Variants in MALRD1 observed in about 807,000 individuals in gnomAD.
The protein encoded by MALRD1 is MAM and LDL receptor class A domain containing 1, also known as MAM and LDL-receptor class A domain-containing protein 1.
In MALRD1, 247 loss-of-function variants were observed where a neutral mutation model predicts 242.1. That is an observed-to-expected ratio of 1.02 (90% CI 0.92 to 1.13). The LOEUF (loss-of-function observed/expected upper bound fraction) is 1.13, where lower values mean the gene tolerates loss of function less well. MALRD1 is among the 50% of genes most tolerant of loss of function. The probability of loss-of-function intolerance (pLI) is 0.00; values close to 1 mark genes in which losing one functional copy is unlikely to be tolerated. For synonymous variants in MALRD1, 995 were observed against 866.6 expected, an observed-to-expected ratio of 1.15 and a Z score of -2.60; for missense variants, 2,989 against 2,533.1, an observed-to-expected ratio of 1.18 and a Z score of -3.86.
chr10:19,573,954 C>G (rs1836679997), intron 33 of MALRD1, among the ~76,000 whole-genome samples: 1 of 152,076 alleles, frequency 6.6e-6, no homozygotes, highest in African/African-American at 2.4e-5. Context: ...GAAAATAGAC[C>G]TTCGGAGAGT....
rs1204796305 is a variant in MALRD1 at position 19,284,363 on chromosome 10, C to T, written c.3419+1182C>T. On this transcript the variant is annotated intron_variant, in intron 21 of 39. Coordinates refer to ENST00000454679, the MANE Select transcript of MALRD1 (RefSeq NM_001142308.3). ...TGCGCTGCACCCACTAACTCGTCAT[C>T]TAGCATTAGGTATATCTCCCAATGC... 6.6e-5 allele frequency among the ~76,000 whole-genome samples: 10 copies of T among 150,510 alleles called. No individual in the cohort carries two copies. In the East Asian group the frequency reaches 8.0e-4, roughly 12 times the overall value.
intron 26 of MALRD1, among the ~76,000 whole-genome samples, chr10:19,365,111 A>C (rs1309574148): frequency 1.3e-5 from 2 of 152,160 alleles, no homozygotes; most frequent in Non-Finnish European, 2.9e-5. Flanking sequence ...AAAAATGAAA[A>C]CACATACATG....
At position 19,438,418 on chromosome 10, in the gene MALRD1, C is replaced by T. The variant is rs1589072604; in HGVS notation, c.4846-11889C>T. On this transcript the variant is annotated intron_variant, in intron 28 of 39. Coordinates refer to ENST00000454679, the MANE Select transcript of MALRD1 (RefSeq NM_001142308.3). Reference sequence around the variant, plus strand: ...ACATATCCATTCATTCATGGATACACATGTAGATTGCTTCCATATTTTGCT... The same window carrying T: ...ACATATCCATTCATTCATGGATACATATGTAGATTGCTTCCATATTTTGCT... 3.3e-5 allele frequency among the ~76,000 whole-genome samples: 5 copies of T among 152,278 alleles called. No individual in the cohort carries two copies. In the South Asian group the frequency reaches 1.0e-3, roughly 32 times the overall value.
intron 36 of MALRD1, among the ~76,000 whole-genome samples, chr10:19,649,084 G>A (rs529406164): frequency 6.6e-6 from 1 of 152,280 alleles, no homozygotes; most frequent in Admixed American, 6.5e-5. Context: ...TCTTTTTATG[G>A]CTGCATAATA....
intron 36 of MALRD1, among the ~76,000 whole-genome samples, chr10:19,651,316 T>A (rs1056828051): frequency 6.6e-6 from 1 of 152,180 alleles, no homozygotes; most frequent in African/African-American, 2.4e-5. Flanking sequence ...CTTATCTAAC[T>A]TCAGAAAAGT....
chr10:19,593,111 CATATAAAAGTATAAAGATTT>C (rs1837904325), intron 33 of MALRD1, among the ~76,000 whole-genome samples: 1 of 151,948 alleles, frequency 6.6e-6, no homozygotes, highest in Non-Finnish European at 1.5e-5. Flanking sequence ...AGAAGAGCTA[CATATAAAAGTATAAAGATTT>C]AAATCCAATT....
intron 32 of MALRD1, among the ~76,000 whole-genome samples, chr10:19,559,282 G>A (rs1471702911): frequency 2.6e-5 from 4 of 151,840 alleles, no homozygotes; most frequent in Admixed American, 2.0e-4. Context: ...CAATATTAAT[G>A]CTTTGGGTCT....
At chr10:19,703,713 G>A (rs1403717822) in intron 38 of MALRD1, among the ~76,000 whole-genome samples, 1 of 152,116 alleles carries the variant, frequency 6.6e-6, no homozygotes, top group African/African-American at 2.4e-5. Flanking sequence ...TGGCCAACAT[G>A]GCAAAACCCT....
intron 19 of MALRD1, among the ~76,000 whole-genome samples, chr10:19,276,437 TC>T (rs1375462628): frequency 6.6e-6 from 1 of 152,158 alleles, no homozygotes; most frequent in Non-Finnish European, 1.5e-5. Flanking sequence ...AGAAATTTGT[TC>T]CATATATTCC....
intron 36 of MALRD1, among the ~76,000 whole-genome samples, chr10:19,629,419 T>A (rs1839813822): frequency 6.6e-6 from 1 of 152,172 alleles, no homozygotes; most frequent in South Asian, 2.1e-4. Context: ...CAGTATCTAA[T>A]GCCAGAGGAC....
At chr10:19,669,488 A>C (rs1339982927) in intron 36 of MALRD1, among the ~76,000 whole-genome samples, 1 of 152,166 alleles carries the variant, frequency 6.6e-6, no homozygotes. Flanking sequence ...AGGTTGGAGC[A>C]AAGGGACAGG....
At chr10:19,675,375 C>A (rs951543094) in intron 36 of MALRD1, among the ~76,000 whole-genome samples, 4 of 152,098 alleles carry the variant, frequency 2.6e-5, no homozygotes, top group African/African-American at 9.7e-5. Context: ...ACTTACAAAG[C>A]CATTGCTCTC....
chr10:19,690,427 A>G (rs1842768749), intron 36 of MALRD1, among the ~76,000 whole-genome samples: 1 of 152,078 alleles, frequency 6.6e-6, no homozygotes, highest in Admixed American at 6.6e-5. Context: ...AGAAACATAC[A>G]TAATAAAACT....
intron 38 of MALRD1, among the ~76,000 whole-genome samples, chr10:19,703,304 G>C (rs1484640794): frequency 6.6e-6 from 1 of 152,110 alleles, no homozygotes; most frequent in Non-Finnish European, 1.5e-5. Context: ...TCTGCTTCCT[G>C]TCCCTGTAAC....
rs1310778575 is a variant in MALRD1, at chr10:19,347,986, C to G, written c.4117C>G (p.Pro1373Ala). The change falls in exon 25 of 40, where the codon CCA becomes GCA. Residue 1373 changes from proline to alanine, a missense_variant. Transcript: ENST00000454679. ...QPMRAARISS[P>A]VISKRSKNCK... The stretch of plus-strand genomic sequence containing the variant: ...CATGAGAGCTGCCAGAATTTCAAGT[C>G]CAGTTATAAGTAAGAGAAGCAAAAA... The G allele has an allele frequency of 6.5e-7, 1 of 1,550,212 alleles. No homozygotes were observed. The highest frequency in any genetic ancestry group is 8.7e-7 in the Non-Finnish European group (1 of 1,146,832).
chr10:19,657,979 C>G (rs1841244720), intron 36 of MALRD1, among the ~76,000 whole-genome samples: 1 of 151,972 alleles, frequency 6.6e-6, no homozygotes, highest in Non-Finnish European at 1.5e-5. Flanking sequence ...GAAACCCTGT[C>G]TCTACTAAAA....
intron 11 of MALRD1, among the ~76,000 whole-genome samples, chr10:19,147,381 A>G (rs1003845998): frequency 1.3e-5 from 2 of 152,230 alleles, no homozygotes; most frequent in African/African-American, 4.8e-5. Flanking sequence ...GGCTACAGCC[A>G]TAAATCTAGT....
At chr10:19,146,025 C>T (rs1000886053) in intron 10 of MALRD1, among the ~76,000 whole-genome samples, 173 bp from the exon 11 acceptor site, 4 of 152,046 alleles carry the variant, frequency 2.6e-5, no homozygotes, top group Non-Finnish European at 5.9e-5. Context: ...TCACACAGCA[C>T]CTGAGATATT....
chr10:19,508,434 C>T (rs1458780446), intron 31 of MALRD1, among the ~76,000 whole-genome samples: 1 of 152,122 alleles, frequency 6.6e-6, no homozygotes, highest in African/African-American at 2.4e-5. Context: ...AAAAGCTTTA[C>T]CATGTCACAT....
Sources: gnomAD v4.1 joint callset for allele counts (sites outside exome capture counted in the v4.1 genomes callset) on GRCh38, gnomAD v4.1.1 for gene constraint, MANE v1.5 for transcripts, NCBI Gene and HGNC (gene_info 2026-07-23, HGNC 2026-07-21) for gene names.